The following XKR3 variants were observed in gnomAD, a reference collection of about 807,000 sequenced individuals.
XKR3 encodes XK-related protein 3.
Under a neutral mutation model 40.3 loss-of-function variants are expected in XKR3, and 27 were observed. The observed-to-expected ratio is 0.67, with a 90% confidence interval of 0.49 to 0.92. The LOEUF (loss-of-function observed/expected upper bound fraction) is 0.92, where lower values mean the gene tolerates loss of function less well. XKR3 is among the 40% of genes least tolerant of loss of function. The pLI, the probability that XKR3 is intolerant of heterozygous loss-of-function variation, is 0.00. For synonymous variants in XKR3, 193 were observed against 195.4 expected, an observed-to-expected ratio of 0.99 and a Z score of 0.10; for missense variants, 472 against 537.6, an observed-to-expected ratio of 0.88 and a Z score of 1.21.
intron 3 of XKR3, among the ~76,000 whole-genome samples, chr22:16,793,955 T>C (rs1445591811): frequency 6.6e-6 from 1 of 152,120 alleles, no homozygotes; most frequent in Non-Finnish European, 1.5e-5. Context: ...ATTTCAGAGC[T>C]CCAAGACTGG....
chr22:16,785,249 G>A (rs1175362313), intron 3 of XKR3, among the ~76,000 whole-genome samples: 2 of 151,960 alleles, frequency 1.3e-5, no homozygotes, highest in South Asian at 4.1e-4. Flanking sequence ...CCCGGGAGGC[G>A]GAGCTTGCAG....
intron 3 of XKR3, among the ~76,000 whole-genome samples, chr22:16,794,729 C>T (rs1417192765): frequency 6.6e-6 from 1 of 152,192 alleles, no homozygotes; most frequent in East Asian, 1.9e-4. Flanking sequence ...TTGAATGACA[C>T]ACAGTGGTAG....
rs142425083 is a variant in XKR3 at position 16,807,899 on chromosome 22, G to A, written c.175C>T (p.Arg59Ter). 18 of 1,613,984 alleles carry A rather than the reference G, an allele frequency of 1.1e-5. No individual in the cohort carries two copies. The highest frequency in any genetic ancestry group is 1.7e-4 in the Middle Eastern group (1 of 6,058). The change falls in exon 2 of 4, where the codon CGA becomes TGA. Residue 59 changes from arginine to a stop codon, truncating the protein, a stop_gained. Coordinates refer to ENST00000684488, the MANE Select transcript of XKR3 (RefSeq NM_001386955.1). LOFTEE classifies it high-confidence loss of function. ...AFGLYMFEIY[R>*]KANDTFWMSF... ...ATCCAGAATGTGTCATTAGCTTTTC[G>A]ATAAATTTCAAACATGTATAAACCA...
Position 16,821,199 on chromosome 22 carries a change from A to G in XKR3, c.-11+4092T>C, listed in dbSNP as rs145985108. On this transcript the variant is annotated intron_variant, in intron 1 of 3. Transcript: ENST00000684488. ...ATTTAAAAATAAAATGTAATTTTCT[A>G]TGATAGCATTGACCTTAACTGAAAA... 5.7e-4 allele frequency among the ~76,000 whole-genome samples: 87 copies of G among 152,280 alleles called. 1 individual carries two copies. The East Asian group carries it at 0.014, about 24-fold the overall frequency.
chr22:16,787,593 GA>G (rs1262264922), intron 3 of XKR3, among the ~76,000 whole-genome samples: 19 of 148,756 alleles, frequency 1.3e-4, no homozygotes, highest in African/African-American at 3.2e-4. Context: ...CGTATTGTAG[GA>G]AAAAAAAGTA....
At chr22:16,810,123 G>A (rs1194066239) in intron 1 of XKR3, among the ~76,000 whole-genome samples, 4 of 152,036 alleles carry the variant, frequency 2.6e-5, no homozygotes, top group African/African-American at 7.3e-5. Flanking sequence ...CAATCTCCTG[G>A]TTATCTTTTC....
chr22:16,800,915 C>T (rs1359416638), intron 2 of XKR3, among the ~76,000 whole-genome samples: 1 of 151,774 alleles, frequency 6.6e-6, no homozygotes, highest in Non-Finnish European at 1.5e-5. Context: ...TAAAAAGAAC[C>T]AACAGAATCT....
At chr22:16,812,928 T>A (rs1376812709) in intron 1 of XKR3, among the ~76,000 whole-genome samples, 1 of 152,212 alleles carries the variant, frequency 6.6e-6, no homozygotes, top group African/African-American at 2.4e-5. Flanking sequence ...AGGCTGTTCG[T>A]GACTTACAGC....
chr22:16,804,327 A>G (rs1205082440), intron 2 of XKR3, among the ~76,000 whole-genome samples: 2 of 152,184 alleles, frequency 1.3e-5, no homozygotes, highest in Non-Finnish European at 2.9e-5. Context: ...ACCCTATATA[A>G]TGTGACTTAC....
At chr22:16,794,538 A>G (rs2060132869) in intron 3 of XKR3, among the ~76,000 whole-genome samples, 1 of 152,242 alleles carries the variant, frequency 6.6e-6, no homozygotes, top group South Asian at 2.1e-4. Context: ...CTTTAAATAG[A>G]TTAGGCTTTC....
At chr22:16,792,243 G>A (rs1243383233) in intron 3 of XKR3, among the ~76,000 whole-genome samples, 5 of 151,928 alleles carry the variant, frequency 3.3e-5, no homozygotes, top group South Asian at 2.1e-4. Context: ...ACCATGCCCG[G>A]CCTACACTGA....
chr22:16,784,937 T>C (rs1249052839), intron 3 of XKR3, among the ~76,000 whole-genome samples: 1 of 152,108 alleles, frequency 6.6e-6, no homozygotes, highest in Non-Finnish European at 1.5e-5. Flanking sequence ...TTAAAGTAAA[T>C]CCTGGAAGTG....
chr22:16,802,945 A>G (rs934910019), intron 2 of XKR3, among the ~76,000 whole-genome samples: 1 of 152,216 alleles, frequency 6.6e-6, no homozygotes, highest in Non-Finnish European at 1.5e-5. Context: ...CACACAAGTT[A>G]AAAAGTTGGC....
At chr22:16,803,771 G>C (rs1322397138) in intron 2 of XKR3, among the ~76,000 whole-genome samples, 2 of 152,176 alleles carry the variant, frequency 1.3e-5, no homozygotes, top group African/African-American at 4.8e-5. Context: ...GGGCTAAAAA[G>C]GGGAGGCATG....
chr22:16,786,343 G>T (rs2060091053), intron 3 of XKR3, among the ~76,000 whole-genome samples: 2 of 152,098 alleles, frequency 1.3e-5, no homozygotes, highest in African/African-American at 4.8e-5. Flanking sequence ...GCTGCAGTGG[G>T]AGGATTGCTT....
chr22:16,795,992 A>G (rs1314989412), intron 3 of XKR3, among the ~76,000 whole-genome samples: 6 of 152,160 alleles, frequency 3.9e-5, no homozygotes, highest in African/African-American at 1.4e-4. Flanking sequence ...AGAAAATCCA[A>G]AGAAGCACAA....
chr22:16,797,344 T>C (rs1272038107), intron 3 of XKR3, among the ~76,000 whole-genome samples: 1 of 152,090 alleles, frequency 6.6e-6, no homozygotes, highest in Admixed American at 6.6e-5. Flanking sequence ...AACTAAAGGT[T>C]TTCCGCACAG....
rs1352817543 is a variant in XKR3, at chr22:16,783,753, G to A, written c.1246C>T (p.Gln416Ter). ...GKVLPGRTEN[Q>*]PEAPYYYVNI... The stretch of plus-strand genomic sequence containing the variant: ...ACATAATAGTACGGTGCTTCTGGCT[G>A]ATTTTCAGTACGTCCTGGCAACACT... Residue 416 changes from glutamine (Q) to a stop codon, truncating the protein, a stop_gained, in exon 4 of 4, where the codon CAG (glutamine) becomes TAG (stop). Coordinates refer to ENST00000684488, the MANE Select transcript of XKR3 (RefSeq NM_001386955.1). LOFTEE classifies it high-confidence loss of function. 1.9e-6 allele frequency: 3 copies of A among 1,614,146 alleles called. No homozygotes were observed. The highest frequency in any genetic ancestry group is 2.5e-6 in the Non-Finnish European group (3 of 1,180,046).
chr22:16,810,568 G>C (rs2060208428), intron 1 of XKR3, among the ~76,000 whole-genome samples: 1 of 152,058 alleles, frequency 6.6e-6, no homozygotes. Context: ...TATTATGTGA[G>C]TTATATCTCA....
Sources: gnomAD v4.1 joint callset for allele counts (sites outside exome capture counted in the v4.1 genomes callset) on GRCh38, gnomAD v4.1.1 for gene constraint, MANE v1.5 for transcripts, NCBI Gene and HGNC (gene_info 2026-07-23, HGNC 2026-07-21) for gene names.